Variants in ZBTB20 observed in about 807,000 individuals in gnomAD.
The protein encoded by ZBTB20 is zinc finger and BTB domain-containing protein 20.
A neutral mutation model predicts 56.9 loss-of-function variants in ZBTB20; 9 were observed. The observed-to-expected ratio is 0.16, with a 90% CI of 0.10 to 0.28. ZBTB20 has a LOEUF of 0.28. Ranked by LOEUF, ZBTB20 falls within the 10% of genes least tolerant of loss-of-function variation. ZBTB20 has a pLI of 1.00. For missense variants in ZBTB20, 655 were observed against 1,003.0 expected (o/e 0.65, Z 4.69); for synonymous variants, 417 against 420.7 (o/e 0.99, Z 0.11).
chr3:115,029,929 T>C (rs1374479388), intron 2 of ZBTB20, among the ~76,000 whole-genome samples: 1 of 150,842 alleles, frequency 6.6e-6, no homozygotes, highest in Non-Finnish European at 1.5e-5. Context: ...AAATGAAAGG[T>C]CAGTATAGCA....
intron 3 of ZBTB20, among the ~76,000 whole-genome samples, chr3:114,914,496 A>G (rs1260280216): frequency 6.6e-6 from 1 of 152,056 alleles, no homozygotes; most frequent in Non-Finnish European, 1.5e-5. Context: ...ATATAAGATC[A>G]TCTCATCTCC....
At chr3:114,491,284 G>C (rs948413285) in intron 7 of ZBTB20, among the ~76,000 whole-genome samples, 8 of 152,284 alleles carry the variant, frequency 5.3e-5, no homozygotes, top group Admixed American at 3.9e-4. Flanking sequence ...TCCCATGACA[G>C]AGCAGATAGG....
chr3:114,632,988 C>T (rs1356408092), intron 6 of ZBTB20, among the ~76,000 whole-genome samples: 1 of 152,132 alleles, frequency 6.6e-6, no homozygotes, highest in Non-Finnish European at 1.5e-5. Flanking sequence ...AATTTTTTGA[C>T]TAAGGAAACT....
chr3:114,686,170 A>G (rs2062331433), intron 6 of ZBTB20, among the ~76,000 whole-genome samples: 1 of 152,196 alleles, frequency 6.6e-6, no homozygotes, highest in South Asian at 2.1e-4. Context: ...AGCTTAATAT[A>G]ATTACTGAGG....
chr3:114,567,318 A>T (rs1040099623), intron 6 of ZBTB20, among the ~76,000 whole-genome samples: 1 of 152,212 alleles, frequency 6.6e-6, no homozygotes, highest in African/African-American at 2.4e-5. Context: ...TGAAATCAAT[A>T]AACAGTGCTA....
intron 7 of ZBTB20, among the ~76,000 whole-genome samples, chr3:114,414,892 T>G (rs1261591474): frequency 1.3e-5 from 2 of 151,802 alleles, no homozygotes; most frequent in Non-Finnish European, 2.9e-5. Flanking sequence ...TACTCCTTTC[T>G]CTGGGGTTCT....
At chr3:114,594,919 A>T (rs1029914667) in intron 6 of ZBTB20, among the ~76,000 whole-genome samples, 2 of 152,240 alleles carry the variant, frequency 1.3e-5, no homozygotes, top group Admixed American at 1.3e-4. Context: ...GTGTTTCTTC[A>T]TTAGAAGCTG....
chr3:114,324,375 G>C lies in ZBTB20; in HGVS notation c.*14630C>G, dbSNP rs2078994717. On this transcript the variant is annotated 3_prime_UTR_variant, in exon 12 of 12. Transcript: ENST00000675478. ...TGCTGGGCTTTTATTTTTGAATAGT[G>C]CAATCAGCTATTCCTCAAGGGCTAC... 1 of 152,102 alleles carries C rather than the reference G, an allele frequency of 6.6e-6. No individual in the cohort carries two copies. The highest frequency in any genetic ancestry group is 2.1e-4 in the South Asian group (1 of 4,822). 9.4% of individuals were successfully genotyped at this position (152,102 alleles called of 1,614,324 possible).
intron 5 of ZBTB20, among the ~76,000 whole-genome samples, chr3:114,799,371 G>C (rs1174845040): frequency 6.6e-6 from 1 of 151,902 alleles, no homozygotes; most frequent in Non-Finnish European, 1.5e-5. Context: ...TCAGGAAAAA[G>C]AAGTGTAAAG....
At chr3:114,344,854 C>T (rs541857411) in intron 11 of ZBTB20, among the ~76,000 whole-genome samples, 1 of 152,256 alleles carries the variant, frequency 6.6e-6, no homozygotes, top group Admixed American at 6.5e-5. Flanking sequence ...AATAGCTGAA[C>T]TTCTCAAAGT....
At chr3:114,557,931 A>G (rs1171737711) in intron 6 of ZBTB20, among the ~76,000 whole-genome samples, 1 of 152,068 alleles carries the variant, frequency 6.6e-6, no homozygotes, top group Non-Finnish European at 1.5e-5. Flanking sequence ...TTGGTTGACA[A>G]GGAATAATAG....
chr3:114,471,294 G>C (rs1238900079), intron 7 of ZBTB20, among the ~76,000 whole-genome samples: 1 of 152,154 alleles, frequency 6.6e-6, no homozygotes, highest in Non-Finnish European at 1.5e-5. Flanking sequence ...TTGCGTGTGA[G>C]AAAACAGAGG....
intron 1 of ZBTB20, among the ~76,000 whole-genome samples, chr3:115,143,698 C>T (rs986969479): frequency 1.3e-5 from 2 of 151,752 alleles, no homozygotes; most frequent in African/African-American, 4.8e-5. Flanking sequence ...TATAAAGCAA[C>T]GTTTTATTAA....
chr3:115,028,393 C>G (rs750680833), intron 2 of ZBTB20, among the ~76,000 whole-genome samples: 1 of 150,644 alleles, frequency 6.6e-6, no homozygotes, highest in African/African-American at 2.4e-5. Context: ...CTATAAAAAA[C>G]TCTAAAATAT....
At position 114,928,535 on chromosome 3, in the gene ZBTB20, G is replaced by T. The variant is rs1170114840; in HGVS notation, c.-455-28193C>A. ...AATTTGGCAAATTCCTCAGATCTCA[G>T]GCCCAAAGAAAATATTTCAGGAGAG... On this transcript the variant is annotated intron_variant, in intron 3 of 11. Transcript: ENST00000675478. Among the ~76,000 whole-genome samples the T allele has an allele frequency of 6.6e-5, 10 of 152,266 alleles. No homozygotes were observed. The South Asian group carries it at 2.1e-3, about 32-fold the overall frequency.
At position 114,323,909 on chromosome 3, in the gene ZBTB20, A is replaced by C. The variant is rs949081312; in HGVS notation, c.*15096T>G. On this transcript the variant is annotated 3_prime_UTR_variant, in exon 12 of 12. Transcript: ENST00000675478. ...TACGTAACACACTCTCTCCCAGCACAAGTAAGTACATTTCAGTAGTGCAAT... is the reference window on the plus strand; with the variant it reads ...TACGTAACACACTCTCTCCCAGCACCAGTAAGTACATTTCAGTAGTGCAAT... The C allele has an allele frequency of 6.6e-6, 1 of 152,176 alleles. No homozygotes were observed. Among genetic ancestry groups the C allele is most frequent in the African/African-American group, 2.4e-5 (1 of 41,424 alleles). 9.4% of individuals were successfully genotyped at this position (152,176 alleles called of 1,614,324 possible).
chr3:114,943,671 A>G (rs2076794044), intron 3 of ZBTB20, among the ~76,000 whole-genome samples: 1 of 145,442 alleles, frequency 6.9e-6, no homozygotes, highest in Non-Finnish European at 1.5e-5. Flanking sequence ...AGAATAAAAC[A>G]AAGAGAGAAA....
At chr3:114,404,100 G>A (rs189017963) in intron 7 of ZBTB20, among the ~76,000 whole-genome samples, 2 of 152,120 alleles carry the variant, frequency 1.3e-5, no homozygotes, top group African/African-American at 4.8e-5. Flanking sequence ...TTAGGTTTCT[G>A]GACTCAAGAA....
intron 2 of ZBTB20, among the ~76,000 whole-genome samples, chr3:115,016,704 G>T (rs2079976440): frequency 6.6e-6 from 1 of 151,758 alleles, no homozygotes; most frequent in Non-Finnish European, 1.5e-5. Flanking sequence ...TGCTGTTTTG[G>T]TTACTGTAGC....
Sources: allele counts gnomAD v4.1 joint callset (sites outside exome capture counted in the v4.1 genomes callset), GRCh38; gene constraint gnomAD v4.1.1; transcripts MANE v1.5; gene names NCBI Gene and HGNC (gene_info 2026-07-23, HGNC 2026-07-21).